The following DHCR7 variants were observed in gnomAD, a reference collection of about 807,000 sequenced individuals.
The protein encoded by DHCR7 is 7-DHC reductase.
DHCR7 carries 40 observed loss-of-function variants against 43.3 expected under a neutral mutation model. The ratio of observed to expected loss-of-function variants is 0.92; its 90% CI spans 0.72 to 1.20. DHCR7 has a LOEUF of 1.20. Among genes scored for constraint, DHCR7 ranks in the 50% most tolerant of loss-of-function variants. The pLI is 0.00. For synonymous variants in DHCR7, 298 were observed against 271.4 expected (o/e 1.10, Z -0.96); for missense variants, 608 against 644.6 (o/e 0.94, Z 0.62).
At chr11:71,444,285 C>T (rs765523354) in intron 3 of DHCR7, 70 bp from the exon 4 acceptor site, 2 of 1,319,194 alleles carry the variant, frequency 1.5e-6, no homozygotes, top group Non-Finnish European at 2.1e-6. Context: ...CCCTAAGAGG[C>T]TCTGTGTGGG....
intron 8 of DHCR7, chr11:71,436,045 G>A: frequency 1.6e-6 from 1 of 613,482 alleles, no homozygotes; most frequent in Non-Finnish European, 3.0e-6. Flanking sequence ...CCTTCTACCT[G>A]TCTGTGTGTG....
intron 6 of DHCR7, 68 bp from the exon 7 acceptor site, chr11:71,439,151 T>C (rs1465708942): frequency 5.4e-6 from 8 of 1,470,120 alleles, no homozygotes; most frequent in Non-Finnish European, 7.5e-6. Flanking sequence ...CCACCTTACT[T>C]AGCGAGAGCC....
chr11:71,430,272 AG>A (rs1015035227), downstream of DHCR7, among the ~76,000 whole-genome samples: 4 of 152,130 alleles, frequency 2.6e-5, no homozygotes, highest in Non-Finnish European at 5.9e-5. Context: ...GACTCACAGC[AG>A]GGGCGCCCCG....
Position 71,447,388 on chromosome 11 carries a change from T to C in DHCR7, c.-7+222A>G, listed in dbSNP as rs1211762424. Among the ~76,000 whole-genome samples, 3 of 152,358 alleles carry C rather than the reference T, an allele frequency of 2.0e-5. No homozygotes were observed. In the East Asian group the frequency reaches 5.8e-4, roughly 29 times the overall value. On this transcript the variant is annotated intron_variant, in intron 2 of 8. Transcript: ENST00000355527. ...TTCATTCACCCAGGAGTCAGCTCTT[T>C]AGCCACAAGCATTGAGTTGTGCAAT...
At chr11:71,428,488 C>T (rs1949211860) in exon 3 of DHCR7, 1 of 171,748 alleles carries the variant, frequency 5.8e-6, no homozygotes, top group South Asian at 1.4e-4. Flanking sequence ...TAAACAGTCA[C>T]CTCTTGATTT....
At chr11:71,444,265 C>G (rs1361914600) in intron 3 of DHCR7, 50 bp from the exon 4 acceptor site, 1 of 1,436,052 alleles carries the variant, frequency 7.0e-7, no homozygotes. Context: ...TGCCCTGGGC[C>G]CCACCAGGAC....
intron 3 of DHCR7, 103 bp downstream of exon 3, chr11:71,444,752 T>C: frequency 1.9e-6 from 2 of 1,048,468 alleles, no homozygotes; most frequent in Non-Finnish European, 2.9e-6. Flanking sequence ...AAAATCTTTT[T>C]TAAAAAGGTC....
In DHCR7 at chr11:71,439,659, C is replaced by T. The variant is rs1591110333; in HGVS notation, c.627-576G>A. ...CCCAATCCCCGGAGGGCCAGAGCAT[C>T]AGCCGAGATAACCCCTGTGGAGACC... On this transcript the variant is annotated intron_variant, in intron 6 of 8. Coordinates refer to ENST00000355527, the MANE Select transcript of DHCR7 (RefSeq NM_001360.3). Among the ~76,000 whole-genome samples the T allele has an allele frequency of 2.0e-5, 3 of 152,338 alleles. No individual in the cohort carries two copies. The East Asian group carries it at 5.8e-4, about 29-fold the overall frequency.
exon 3 of DHCR7, chr11:71,428,275 CT>C (rs1949210706): frequency 6.6e-6 from 1 of 152,244 alleles, no homozygotes; most frequent in South Asian, 2.1e-4. Context: ...AATCCAATAT[CT>C]CATCATTAAA....
chr11:71,446,680 G>A (rs10450661), intron 2 of DHCR7, among the ~76,000 whole-genome samples: 7,409 of 152,258 alleles, frequency 0.049, 611 homozygotes, highest in African/African-American at 0.17. Context: ...AAATTTCAAC[G>A]ATGAAAGACA....
At chr11:71,440,321 G>T (rs1949335088) in intron 6 of DHCR7, among the ~76,000 whole-genome samples, 1 of 152,152 alleles carries the variant, frequency 6.6e-6, no homozygotes, top group Non-Finnish European at 1.5e-5. Context: ...GTGGATGGAT[G>T]GGTAAATGGA....
At position 71,441,401 on chromosome 11, in the gene DHCR7, C is replaced by T. The variant is rs11555217; in HGVS notation, c.452G>A (p.Trp151Ter). The change falls in exon 6 of 9, where the codon TGG (tryptophan) becomes TAG (stop). Residue 151 changes from tryptophan to a stop codon, truncating the protein, a stop_gained. Transcript: ENST00000355527. LOFTEE classifies it high-confidence loss of function. ...AAACCAGAGCAGGTGCGTGAGGAGC[C>T]AGGCTTGCAGGCCATTGATCTGATA... ...NKYQINGLQA[W>*]LLTHLLWFAN... 1,147 of 1,613,916 alleles carry T rather than the reference C, an allele frequency of 7.1e-4. No homozygotes were observed. Among genetic ancestry groups the T allele is most frequent in the Non-Finnish European group, 9.0e-4 (1,059 of 1,179,926 alleles).
At chr11:71,443,503 G>A (rs1949369670) in intron 4 of DHCR7, among the ~76,000 whole-genome samples, 1 of 152,198 alleles carries the variant, frequency 6.6e-6, no homozygotes, top group Non-Finnish European at 1.5e-5. Context: ...GGACTGGGAG[G>A]CCAGTGGGGA....
chr11:71,434,171 A>G (rs1278341925), downstream of DHCR7, among the ~76,000 whole-genome samples: 4 of 152,064 alleles, frequency 2.6e-5, no homozygotes, highest in Non-Finnish European at 5.9e-5. Context: ...CTTGGGGGGG[A>G]ATGGAATACT....
chr11:71,429,639 G>A (rs374753859), downstream of DHCR7, among the ~76,000 whole-genome samples: 13 of 152,288 alleles, frequency 8.5e-5, no homozygotes, highest in South Asian at 2.5e-3. Context: ...GATTGAGGGG[G>A]TGAAGTCGAG....
chr11:71,446,347 C>A (rs879511107), intron 2 of DHCR7, among the ~76,000 whole-genome samples: 4 of 150,304 alleles, frequency 2.7e-5, no homozygotes, highest in Non-Finnish European at 4.4e-5. Context: ...AGAAACCAAG[C>A]CATTATTATA....
chr11:71,437,668 A>G, intron 8 of DHCR7, 144 bp downstream of exon 8: 1 of 1,226,178 alleles, frequency 8.2e-7, no homozygotes, highest in African/African-American at 1.5e-5. Context: ...AAGCTGGCTG[A>G]GCTGGCTAAT....
At chr11:71,443,944 G>T in intron 4 of DHCR7, 49 bp downstream of exon 4, 1 of 1,475,710 alleles carries the variant, frequency 6.8e-7, no homozygotes, top group Non-Finnish European at 9.3e-7. Context: ...CAGCAGGAGG[G>T]CACGCTCCCC....
intron 5 of DHCR7, 60 bp downstream of exon 5, chr11:71,442,203 G>A: frequency 1.6e-6 from 2 of 1,257,946 alleles, no homozygotes; most frequent in East Asian, 2.3e-5. Context: ...GGGGAGGACT[G>A]GCCCCTGAGA....
Sources: allele counts gnomAD v4.1 joint callset (sites outside exome capture counted in the v4.1 genomes callset), GRCh38; gene constraint gnomAD v4.1.1; transcripts MANE v1.5; gene names NCBI Gene and HGNC (gene_info 2026-07-23, HGNC 2026-07-21).